The following SLC24A2 variants were observed in gnomAD, a reference collection of about 807,000 sequenced individuals.
The protein encoded by SLC24A2 is solute carrier family 24 member 2, also known as sodium/potassium/calcium exchanger 2.
Under a neutral mutation model 62.0 loss-of-function variants are expected in SLC24A2, and 36 were observed. That is an observed-to-expected ratio of 0.58 (90% CI 0.44 to 0.77). SLC24A2 has a LOEUF of 0.77. Among genes scored for constraint, SLC24A2 ranks in the 30% least tolerant of loss-of-function variants. The pLI is 0.00. For synonymous variants in SLC24A2, 358 were observed against 294.0 expected, an observed-to-expected ratio of 1.22 and a Z score of -2.23; for missense variants, 846 against 817.9, an observed-to-expected ratio of 1.03 and a Z score of -0.42.
the SLC24A2 span, among the ~76,000 whole-genome samples, chr9:20,209,622 A>G: frequency 6.6e-6 from 1 of 152,150 alleles, no homozygotes; most frequent in Non-Finnish European, 1.5e-5. Context: ...AGCTTTCACA[A>G]GTCCTCATTT....
At chr9:19,547,869 A>T (rs763523497) in intron 8 of SLC24A2, among the ~76,000 whole-genome samples, 5 of 151,772 alleles carry the variant, frequency 3.3e-5, no homozygotes, top group Non-Finnish European at 5.9e-5. Flanking sequence ...CAATGCAAGC[A>T]TATCTTAGAA....
At chr9:19,685,878 G>A (rs1381996191) in intron 2 of SLC24A2, among the ~76,000 whole-genome samples, 1 of 151,964 alleles carries the variant, frequency 6.6e-6, no homozygotes, top group Non-Finnish European at 1.5e-5. Context: ...TCATGATGAA[G>A]ATGCCAAAAA....
At chr9:19,535,171 T>C (rs1300465922) in intron 8 of SLC24A2, among the ~76,000 whole-genome samples, 1 of 152,188 alleles carries the variant, frequency 6.6e-6, no homozygotes, top group Non-Finnish European at 1.5e-5. Context: ...GAGAAGTGTG[T>C]CTGTTCATAT....
chr9:20,090,453 G>C, the SLC24A2 span, among the ~76,000 whole-genome samples: 2 of 152,132 alleles, frequency 1.3e-5, no homozygotes, highest in Non-Finnish European at 2.9e-5. Context: ...GCATTGAGAG[G>C]GAGCACGATT....
At position 19,510,426 on chromosome 9, in the gene SLC24A2, A is replaced by T. The variant is rs1360085410; in HGVS notation, c.*5727T>A. ...GAGTGAAGAGTGCCCAGATGCAGTT[A>T]CTTTTTGCCAAAAAAAAAAAAAAAA... On this transcript the variant is annotated 3_prime_UTR_variant, in exon 11 of 11. Transcript: ENST00000341998. The T allele has an allele frequency of 3.6e-5, 4 of 111,740 alleles. No individual in the cohort carries two copies. The highest frequency in any genetic ancestry group is 7.2e-5 in the Non-Finnish European group (4 of 55,900). The allele number at this position is 111,740 out of a possible 1,614,324, so 6.9% of individuals were successfully genotyped here. A position where few individuals can be genotyped will look rare whatever the true frequency, so the allele number is the denominator to read the frequency against.
At chr9:19,833,622 T>A in the SLC24A2 span, among the ~76,000 whole-genome samples, 1 of 152,196 alleles carries the variant, frequency 6.6e-6, no homozygotes. Flanking sequence ...AGGAGGCCTG[T>A]CTGCCTCTGT....
At chr9:20,236,872 C>T in the SLC24A2 span, among the ~76,000 whole-genome samples, 1 of 152,018 alleles carries the variant, frequency 6.6e-6, no homozygotes, top group Non-Finnish European at 1.5e-5. Context: ...AAGGTATGTG[C>T]CTGTCATTTC....
At chr9:19,537,349 A>G (rs201889610) in intron 8 of SLC24A2, among the ~76,000 whole-genome samples, 1 of 96,206 alleles carries the variant, frequency 1.0e-5, no homozygotes, top group East Asian at 3.3e-4. Context: ...TAACGTTTAA[A>G]TCTTTAATCC....
At chr9:20,035,763 T>C in the SLC24A2 span, among the ~76,000 whole-genome samples, 1 of 151,998 alleles carries the variant, frequency 6.6e-6, no homozygotes, top group African/African-American at 2.4e-5. Context: ...TCTCAATAAA[T>C]AAATAAATAA....
the SLC24A2 span, among the ~76,000 whole-genome samples, chr9:19,820,032 TATATATATACATATATATATATACAC>T: frequency 1.6e-3 from 74 of 44,904 alleles, no homozygotes; most frequent in African/African-American, 3.4e-3. Context: ...TATACACATA[TATATATATACATATATATATATACAC>T]ATATATATAT....
At chr9:20,197,432 T>TC in the SLC24A2 span, among the ~76,000 whole-genome samples, 1 of 142,566 alleles carries the variant, frequency 7.0e-6, no homozygotes, top group Non-Finnish European at 1.5e-5. Flanking sequence ...TCTCTCTTTT[T>TC]TTTTTTTTTT....
At chr9:19,552,630 T>C (rs1310996333) in intron 7 of SLC24A2, among the ~76,000 whole-genome samples, 1 of 152,186 alleles carries the variant, frequency 6.6e-6, no homozygotes, top group East Asian at 1.9e-4. Flanking sequence ...GCTCTGTTCA[T>C]CACTACCATC....
rs1554665663 is a variant in SLC24A2, at chr9:19,513,153, G to GATAC, written c.*2999_*3000insGTAT. On this transcript the variant is annotated 3_prime_UTR_variant, in exon 11 of 11. Transcript: ENST00000341998. ...TGTGTACATATAGATCTGGTATAAA[G>GATAC]ATATATATATATATATATATATGTA... 1.2e-5 allele frequency: 1 copy of GATAC among 80,594 alleles called. No individual in the cohort carries two copies. The highest frequency in any genetic ancestry group is 4.1e-4 in the East Asian group (1 of 2,424). The allele number at this position is 80,594 out of a possible 1,614,324, so 5.0% of individuals were successfully genotyped here.
chr9:20,092,798 A>G, the SLC24A2 span, among the ~76,000 whole-genome samples: 1 of 152,222 alleles, frequency 6.6e-6, no homozygotes, highest in Non-Finnish European at 1.5e-5. Context: ...ATGCAGTGTT[A>G]TTAATCACGG....
chr9:20,007,714 A>G, the SLC24A2 span, among the ~76,000 whole-genome samples: 8 of 151,930 alleles, frequency 5.3e-5, no homozygotes, highest in African/African-American at 1.9e-4. Context: ...TTTCTGTTAA[A>G]TTTAGTTATT....
the SLC24A2 span, among the ~76,000 whole-genome samples, chr9:19,965,776 A>G: frequency 6.6e-6 from 1 of 152,026 alleles, no homozygotes; most frequent in Non-Finnish European, 1.5e-5. Context: ...TCACATTGTG[A>G]CCTGGGAAAG....
chr9:19,977,666 C>T, the SLC24A2 span, among the ~76,000 whole-genome samples: 1 of 152,154 alleles, frequency 6.6e-6, no homozygotes, highest in Non-Finnish European at 1.5e-5. Context: ...CAGGGATTTT[C>T]ATAGGGCAGA....
chr9:20,056,484 T>C, the SLC24A2 span, among the ~76,000 whole-genome samples: 1 of 152,232 alleles, frequency 6.6e-6, no homozygotes, highest in Non-Finnish European at 1.5e-5. Flanking sequence ...TTTGGATTAA[T>C]AATCTGAAGT....
the SLC24A2 span, among the ~76,000 whole-genome samples, chr9:20,178,617 A>T: frequency 7.2e-5 from 11 of 152,234 alleles, no homozygotes; most frequent in African/African-American, 2.4e-4. Flanking sequence ...CGGCAAACTA[A>T]ATATGAAAAA....
Sources: allele counts gnomAD v4.1 joint callset (sites outside exome capture counted in the v4.1 genomes callset), GRCh38; gene constraint gnomAD v4.1.1; transcripts MANE v1.5; gene names NCBI Gene and HGNC (gene_info 2026-07-23, HGNC 2026-07-21).